The following CASTOR2 variants were observed in gnomAD, a reference collection of about 807,000 sequenced individuals.
CASTOR2 encodes the protein GATS protein like 2.
A neutral mutation model predicts 31.2 loss-of-function variants in CASTOR2; 8 were observed. The ratio of observed to expected loss-of-function variants is 0.26; its 90% confidence interval spans 0.15 to 0.46. The LOEUF is 0.46. Among genes scored for constraint, CASTOR2 ranks in the 20% least tolerant of loss-of-function variants. CASTOR2 has a pLI of 0.99. For synonymous variants in CASTOR2, 162 were observed against 158.7 expected, an observed-to-expected ratio of 1.02 and a Z score of -0.16; for missense variants, 216 against 382.1, an observed-to-expected ratio of 0.57 and a Z score of 3.62.
At chr7:74,997,569 G>A (rs1308908831) in intron 1 of CASTOR2, among the ~76,000 whole-genome samples, 7 of 151,970 alleles carry the variant, frequency 4.6e-5, no homozygotes, top group African/African-American at 1.4e-4. Flanking sequence ...AGGATTACAG[G>A]CATGTGCCAC....
At chr7:74,982,686 T>G (rs1235343478) in intron 1 of CASTOR2, among the ~76,000 whole-genome samples, 1 of 64,912 alleles carries the variant, frequency 1.5e-5, no homozygotes, top group African/African-American at 6.6e-5. Flanking sequence ...AAATACAAAA[T>G]TAGCCGGGTG....
chr7:75,012,932 C>G (rs1376182467), intron 2 of CASTOR2, among the ~76,000 whole-genome samples: 4 of 152,228 alleles, frequency 2.6e-5, no homozygotes, highest in African/African-American at 9.6e-5. Context: ...TAGGCGTGAA[C>G]CACCGTGCAC....
intron 1 of CASTOR2, among the ~76,000 whole-genome samples, chr7:74,998,078 C>A (rs1276954484): frequency 5.3e-5 from 8 of 151,880 alleles, no homozygotes; most frequent in Admixed American, 5.3e-4. Context: ...GCTACAAGTC[C>A]CCCCTGCCTT....
At chr7:74,994,852 G>A (rs1379355541) in intron 1 of CASTOR2, among the ~76,000 whole-genome samples, 1 of 152,170 alleles carries the variant, frequency 6.6e-6, no homozygotes, top group African/African-American at 2.4e-5. Flanking sequence ...GGAAGCCCAG[G>A]AGTGAGCATC....
chr7:75,024,003 G>A (rs901984073), intron 7 of CASTOR2, among the ~76,000 whole-genome samples: 30 of 152,118 alleles, frequency 2.0e-4, no homozygotes, highest in African/African-American at 7.0e-4. Context: ...ATGGCCAGTG[G>A]GAGGCCAGGC....
chr7:74,985,994 C>T (rs1584462150), intron 1 of CASTOR2, among the ~76,000 whole-genome samples: 1 of 152,208 alleles, frequency 6.6e-6, no homozygotes, highest in Non-Finnish European at 1.5e-5. Context: ...GTGGCATTAT[C>T]TCGGCTCACT....
intron 2 of CASTOR2, among the ~76,000 whole-genome samples, chr7:75,012,134 G>A (rs1336682802): frequency 6.6e-6 from 1 of 152,170 alleles, no homozygotes; most frequent in Non-Finnish European, 1.5e-5. Context: ...CTGCCGGAAA[G>A]TAATGTGAGA....
At chr7:75,021,198 G>T (rs1804993289) in intron 6 of CASTOR2, among the ~76,000 whole-genome samples, 1 of 151,976 alleles carries the variant, frequency 6.6e-6, no homozygotes, top group African/African-American at 2.4e-5. Context: ...TGCCATGTTG[G>T]CCAGGCTGCT....
rs1805251258 is a variant in CASTOR2, at chr7:75,029,819, G to A, written c.*5120G>A. Among the ~76,000 whole-genome samples the A allele has an allele frequency of 6.6e-6, 1 of 152,176 alleles. No individual in the cohort carries two copies. The highest frequency in any genetic ancestry group is 1.9e-4 in the East Asian group (1 of 5,196). ...CTTCTCCAACAGAGAAAAGACATTG[G>A]CTTTGGGTACCATGCTGAGGGAGGG... is the stretch of plus-strand genomic sequence containing the variant. On this transcript the variant is annotated 3_prime_UTR_variant, in exon 9 of 9. Transcript: ENST00000616305.
chr7:74,984,015 CAA>C lies in CASTOR2; in HGVS notation c.113+18919_113+18920del, dbSNP rs1228451840. Among the ~76,000 whole-genome samples, 5 of 151,172 alleles carry C rather than the reference CAA, an allele frequency of 3.3e-5. No individual in the cohort carries two copies. The South Asian group carries it at 1.0e-3, about 32-fold the overall frequency. On this transcript the variant is annotated intron_variant, in intron 1 of 8. Coordinates refer to ENST00000616305, the MANE Select transcript of CASTOR2 (RefSeq NM_001145064.3). Reference sequence around the variant, plus strand: ...CAGGCTGGCCTCAAACTCCTGGCCTCAAACGATCCTGCCTCGGCCTCCAAAAG... The same window carrying C: ...CAGGCTGGCCTCAAACTCCTGGCCTCACGATCCTGCCTCGGCCTCCAAAAG...
intron 1 of CASTOR2, among the ~76,000 whole-genome samples, chr7:74,993,018 G>A (rs1244053331): frequency 6.6e-6 from 1 of 151,436 alleles, no homozygotes. Flanking sequence ...GGCCAACATG[G>A]TGAAACTCCA....
intron 7 of CASTOR2, among the ~76,000 whole-genome samples, chr7:75,022,877 T>G (rs1805037924): frequency 6.6e-6 from 1 of 152,228 alleles, no homozygotes; most frequent in African/African-American, 2.4e-5. Context: ...AAATCACTCC[T>G]TATTTCCACA....
chr7:75,019,896 A>T, intron 5 of CASTOR2, 143 bp from the exon 6 acceptor site: 1 of 703,220 alleles, frequency 1.4e-6, no homozygotes, highest in South Asian at 1.9e-5. Context: ...TCCCCGTGGC[A>T]TAGCGAGCAG....
intron 1 of CASTOR2, among the ~76,000 whole-genome samples, chr7:74,978,460 AGGTGTC>A (rs1554436008): frequency 9.5e-6 from 1 of 104,884 alleles, no homozygotes; most frequent in Non-Finnish European, 1.9e-5. Context: ...GAAGTGACCC[AGGTGTC>A]TACTGATGGA....
chr7:75,029,634 C>T lies in CASTOR2; in HGVS notation c.*4935C>T, dbSNP rs979703200. ...GCTGGGATTACAGGCATGAGATACC[C>T]CGCCTGGCCAATGGGATTTTTGACG... On this transcript the variant is annotated 3_prime_UTR_variant, in exon 9 of 9. Transcript: ENST00000616305. Among the ~76,000 whole-genome samples the T allele has an allele frequency of 2.0e-5, 3 of 152,090 alleles. No individual in the cohort carries two copies. The highest frequency in any genetic ancestry group is 7.2e-5 in the African/African-American group (3 of 41,426).
intron 2 of CASTOR2, among the ~76,000 whole-genome samples, chr7:75,013,887 C>G (rs1804807376): frequency 6.6e-6 from 1 of 151,996 alleles, no homozygotes; most frequent in Non-Finnish European, 1.5e-5. Flanking sequence ...ACCACCACAC[C>G]CGGCTACTTT....
chr7:74,992,765 T>C (rs1461649979), intron 1 of CASTOR2, among the ~76,000 whole-genome samples: 1 of 151,898 alleles, frequency 6.6e-6, no homozygotes, highest in Non-Finnish European at 1.5e-5. Context: ...CAGCCTGGTA[T>C]GGTGGTGCAT....
chr7:75,023,444 G>A (rs1031375722), intron 7 of CASTOR2, among the ~76,000 whole-genome samples: 2,294 of 151,284 alleles, frequency 0.015, 122 homozygotes, highest in East Asian at 0.095. Flanking sequence ...AACGTCTTTG[G>A]TGGATAGCAT....
chr7:75,027,772 A>C lies in CASTOR2; in HGVS notation c.*3073A>C, dbSNP rs1161176971. 5.7e-6 allele frequency: 3 copies of C among 524,848 alleles called. No individual in the cohort carries two copies. The highest frequency in any genetic ancestry group is 6.8e-6 in the Non-Finnish European group (2 of 293,034). 32.5% of individuals were successfully genotyped at this position (524,848 alleles called of 1,614,324 possible). A position where few individuals can be genotyped will look rare whatever the true frequency, so the allele number is the denominator to read the frequency against. On this transcript the variant is annotated 3_prime_UTR_variant, in exon 9 of 9. Transcript: ENST00000616305. ...TCCCATCCCCATCCTGCTCGTGTAA[A>C]GCTTGGTTTATCTTCTCGGCGTTCT...
Sources: gnomAD v4.1 joint callset for allele counts (sites outside exome capture counted in the v4.1 genomes callset) on GRCh38, gnomAD v4.1.1 for gene constraint, MANE v1.5 for transcripts, NCBI Gene and HGNC (gene_info 2026-07-23, HGNC 2026-07-21) for gene names.